UHMK1: variants seen among roughly 807,000 people sequenced by gnomAD.
UHMK1 encodes the protein U2AF homology motif kinase 1.
A neutral mutation model predicts 44.0 loss-of-function variants in UHMK1; 18 were observed. The ratio of observed to expected loss-of-function variants is 0.41; its 90% CI spans 0.28 to 0.61. The LOEUF (loss-of-function observed/expected upper bound fraction) is 0.61. Among genes scored for constraint, UHMK1 ranks in the 20% least tolerant of loss-of-function variants. The pLI, the probability that UHMK1 is intolerant of heterozygous loss-of-function variation, is 0.31. For missense variants in UHMK1, 463 were observed against 522.5 expected (o/e 0.89, Z 1.11); for synonymous variants, 231 against 198.5 (o/e 1.16, Z -1.38).
At chr1:162,515,128 A>G (rs919668467) in intron 6 of UHMK1, among the ~76,000 whole-genome samples, 1 of 149,454 alleles carries the variant, frequency 6.7e-6, no homozygotes, top group African/African-American at 2.5e-5. Context: ...TCCTCTTAAT[A>G]TTTAAAATAG....
rs988179726 is a variant in UHMK1, at chr1:162,500,148, T to C, written c.462T>C (p.Tyr154=). Residue 154 remains tyrosine, a synonymous_variant, in exon 2 of 8, where the codon TAT becomes TAC. Transcript: ENST00000489294. Reference sequence around the variant, plus strand: ...TTGCTTTTCTTCATCATGAGGGCTATGTCCATGCGGACCTCAAACCACGTA... The same window carrying C: ...TTGCTTTTCTTCATCATGAGGGCTACGTCCATGCGGACCTCAAACCACGTA... ...EALAFLHHEG[Y]VHADLKPRNI... 1.2e-6 allele frequency: 2 copies of C among 1,614,238 alleles called. No homozygotes were observed. The highest frequency in any genetic ancestry group is 1.1e-5 in the South Asian group (1 of 91,086).
In UHMK1 at chr1:162,523,492, CCT is replaced by C. The variant is rs1460487454; in HGVS notation, c.*945_*946del. ...AAGTTGTGCCAGATGTAAATCAACC[CCT>C]CTTTTAGTTTACTTTAGACTTTGTA... On this transcript the variant is annotated 3_prime_UTR_variant, in exon 8 of 8. Coordinates refer to ENST00000489294, the MANE Select transcript of UHMK1 (RefSeq NM_175866.5). 6.6e-6 allele frequency: 1 copy of C among 152,508 alleles called. No homozygotes were observed. The highest frequency in any genetic ancestry group is 1.5e-5 in the Non-Finnish European group (1 of 68,026). 9.4% of individuals were successfully genotyped at this position (152,508 alleles called of 1,614,324 possible).
At chr1:162,519,315 T>TA (rs11372749) in intron 7 of UHMK1, among the ~76,000 whole-genome samples, 105,443 of 145,756 alleles carry the variant, frequency 0.72, 38,868 homozygotes, top group East Asian at 0.99. Context: ...GACTCCATCT[T>TA]AAAAAAAAAA....
intron 4 of UHMK1, among the ~76,000 whole-genome samples, chr1:162,509,794 C>T (rs1651604582): frequency 6.6e-6 from 1 of 152,158 alleles, no homozygotes; most frequent in Non-Finnish European, 1.5e-5. Flanking sequence ...AGGTGCACAG[C>T]ACCATGCCTG....
At chr1:162,498,591 C>T (rs146469718) in intron 1 of UHMK1, among the ~76,000 whole-genome samples, 2 of 152,160 alleles carry the variant, frequency 1.3e-5, no homozygotes, top group East Asian at 3.8e-4. Context: ...ATTGTCGTGT[C>T]TTGTGTGGAA....
chr1:162,498,073 G>GT lies in UHMK1; in HGVS notation c.74dup (p.Gln26ThrfsTer6), dbSNP rs760772881. ...GGAGGCCTTCGGGCGGCTGTGGCAG[G>GT]TACAGAGCCGTCTGGGTAGCGGCTC... On this transcript the variant is annotated frameshift_variant, in exon 1 of 8. Transcript: ENST00000489294. LOFTEE classifies it high-confidence loss of function. 18 of 1,611,896 alleles carry GT rather than the reference G, an allele frequency of 1.1e-5. No homozygotes were observed. The highest frequency in any genetic ancestry group is 1.5e-5 in the Non-Finnish European group (18 of 1,179,652).
chr1:162,517,894 CTG>C (rs1651895327), intron 6 of UHMK1, among the ~76,000 whole-genome samples: 1 of 151,784 alleles, frequency 6.6e-6, no homozygotes, highest in South Asian at 2.1e-4. Context: ...AGAAAAGAAA[CTG>C]ATACTATGTG....
In UHMK1 at chr1:162,526,302, A is replaced by G. The variant is rs1652250535; in HGVS notation, c.*3752A>G. On this transcript the variant is annotated 3_prime_UTR_variant, in exon 8 of 8. Transcript: ENST00000489294. ...TTTTTTTTTTTTTACAGTTAATTTAATGAAAATCAGCACCATTGTAAATGA... is the reference window on the plus strand; with the variant it reads ...TTTTTTTTTTTTTACAGTTAATTTAGTGAAAATCAGCACCATTGTAAATGA... 2.0e-5 allele frequency: 3 copies of G among 151,386 alleles called. No homozygotes were observed. In the South Asian group the frequency reaches 6.2e-4, roughly 32 times the overall value. 9.4% of individuals were successfully genotyped at this position (151,386 alleles called of 1,614,324 possible). A position where few individuals can be genotyped will look rare whatever the true frequency, so the allele number is the denominator to read the frequency against.
chr1:162,512,635 G>A, intron 5 of UHMK1, 59 bp downstream of exon 5: 3 of 1,600,682 alleles, frequency 1.9e-6, no homozygotes, highest in Non-Finnish European at 1.7e-6. Context: ...CAAGACATCA[G>A]CACTAATTTA....
At chr1:162,520,087 T>A (rs554822901) in intron 7 of UHMK1, among the ~76,000 whole-genome samples, 1 of 152,178 alleles carries the variant, frequency 6.6e-6, no homozygotes, top group African/African-American at 2.4e-5. Flanking sequence ...GAAACGAGGT[T>A]TTGCTATGTT....
At chr1:162,509,715 C>T (rs1304359646) in intron 4 of UHMK1, among the ~76,000 whole-genome samples, 1 of 152,184 alleles carries the variant, frequency 6.6e-6, no homozygotes, top group Non-Finnish European at 1.5e-5. Flanking sequence ...GATCTCGGCT[C>T]ACTGCAACCT....
intron 2 of UHMK1, 96 bp from the exon 3 acceptor site, chr1:162,500,817 G>A (rs1331919051): frequency 1.0e-5 from 12 of 1,200,020 alleles, no homozygotes; most frequent in Non-Finnish European, 1.4e-5. Flanking sequence ...CTTGGCAGTG[G>A]GTTTACTGCA....
chr1:162,503,738 T>G lies in UHMK1; in HGVS notation c.754-16T>G, dbSNP rs769655951. Reference sequence around the variant, plus strand: ...AGACTGAATAACCAAAGGAAAACTTTTCTCCGTTTTTTAAGGCAAACAGTT... The same window carrying G: ...AGACTGAATAACCAAAGGAAAACTTGTCTCCGTTTTTTAAGGCAAACAGTT... On this transcript the variant is annotated splice_polypyrimidine_tract_variant and intron_variant, in intron 3 of 7. Coordinates refer to ENST00000489294, the MANE Select transcript of UHMK1 (RefSeq NM_175866.5). 34 of 1,610,064 alleles carry G rather than the reference T, an allele frequency of 2.1e-5. No individual in the cohort carries two copies. Among genetic ancestry groups the G allele is most frequent in the African/African-American group, 4.0e-5 (3 of 74,856 alleles).
rs373999736 is a variant in UHMK1, at chr1:162,517,997, T to TC, written c.1025-105_1025-104insC. 14 of 699,710 alleles carry TC rather than the reference T, an allele frequency of 2.0e-5. No homozygotes were observed. In the East Asian group the frequency reaches 3.5e-4, roughly 17 times the overall value. 43.3% of individuals were successfully genotyped at this position (699,710 alleles called of 1,614,324 possible). Reference sequence around the variant, plus strand: ...CTATTCAAGACATAAAATGACCTCATTACTAGTTATGTATTCCTGAATTCT... The same window carrying TC: ...CTATTCAAGACATAAAATGACCTCATCTACTAGTTATGTATTCCTGAATTCT... On this transcript the variant is annotated intron_variant, in intron 6 of 7. Coordinates refer to ENST00000489294, the MANE Select transcript of UHMK1 (RefSeq NM_175866.5).
intron 4 of UHMK1, among the ~76,000 whole-genome samples, chr1:162,505,520 T>G (rs1182274760): frequency 1.6e-4 from 24 of 152,234 alleles, no homozygotes; most frequent in Non-Finnish European, 1.5e-5. Context: ...AACACCTGCA[T>G]TACCTGCATT....
chr1:162,500,223 A>G lies in UHMK1; in HGVS notation c.537A>G (p.Gly179=), dbSNP rs1478043707. Residue 179 remains glycine, a synonymous_variant, in exon 2 of 8, where the codon GGA becomes GGG. Coordinates refer to ENST00000489294, the MANE Select transcript of UHMK1 (RefSeq NM_175866.5). ...AATGTTTTAAACTCATTGACTTTGG[A>G]CTTAGCTTCAAAGAAGGCAATCAGG... is the stretch of plus-strand genomic sequence containing the variant. ...ENECFKLIDF[G]LSFKEGNQDV... The G allele has an allele frequency of 6.2e-7, 1 of 1,611,000 alleles. No homozygotes were observed. Among genetic ancestry groups the G allele is most frequent in the Admixed American group, 1.7e-5 (1 of 59,956 alleles).
At chr1:162,511,993 C>T (rs960108123) in intron 4 of UHMK1, among the ~76,000 whole-genome samples, 8 of 152,052 alleles carry the variant, frequency 5.3e-5, no homozygotes, top group Non-Finnish European at 8.8e-5. Flanking sequence ...ACTGTAGCTT[C>T]ATAGAACTTT....
chr1:162,498,666 T>C (rs1557938306), intron 1 of UHMK1, among the ~76,000 whole-genome samples: 1 of 152,218 alleles, frequency 6.6e-6, no homozygotes, highest in Admixed American at 6.5e-5. Context: ...ACATCAATGC[T>C]AGTAACTCGT....
chr1:162,497,935 G>A lies in UHMK1; in HGVS notation c.-66G>A. The A allele has an allele frequency of 1.4e-6, 2 of 1,432,400 alleles. No individual in the cohort carries two copies. Among genetic ancestry groups the A allele is most frequent in the Non-Finnish European group, 1.8e-6 (2 of 1,095,704 alleles). 88.7% of individuals were successfully genotyped at this position (1,432,400 alleles called of 1,614,324 possible). A position where few individuals can be genotyped will look rare whatever the true frequency, so the allele number is the denominator to read the frequency against. ...TGGTCCGGCTGGCGGAGATGTGACC[G>A]CGGGCCCGGCCGGCCTGCCTCAGGC... On this transcript the variant is annotated 5_prime_UTR_variant, in exon 1 of 8. Transcript: ENST00000489294.
Sources: gnomAD v4.1 joint callset for allele counts (sites outside exome capture counted in the v4.1 genomes callset) on GRCh38, gnomAD v4.1.1 for gene constraint, MANE v1.5 for transcripts, NCBI Gene and HGNC (gene_info 2026-07-23, HGNC 2026-07-21) for gene names.